Variants in PTPRD observed in about 807,000 individuals in gnomAD.
PTPRD encodes receptor-type tyrosine-protein phosphatase delta.
PTPRD carries 34 observed loss-of-function variants against 214.5 expected under a neutral mutation model. The observed-to-expected ratio is 0.16, with a 90% CI of 0.12 to 0.21. The LOEUF (loss-of-function observed/expected upper bound fraction) is 0.21, where lower values mean the gene tolerates loss of function less well. Among genes scored for constraint, PTPRD ranks in the 10% least tolerant of loss-of-function variants. The probability of loss-of-function intolerance (pLI) is 1.00; values close to 1 mark genes in which losing one functional copy is unlikely to be tolerated. For synonymous variants in PTPRD, 1,128 were observed against 845.7 expected, an observed-to-expected ratio of 1.33 and a Z score of -5.79; for missense variants, 2,545 against 2,398.7, an observed-to-expected ratio of 1.06 and a Z score of -1.27.
intron 3 of PTPRD, among the ~76,000 whole-genome samples, chr9:10,060,172 G>C (rs2097732115): frequency 6.6e-6 from 1 of 152,020 alleles, no homozygotes; most frequent in Admixed American, 6.6e-5. Context: ...TAAACTTGAT[G>C]ATAATAACAC....
intron 2 of PTPRD, among the ~76,000 whole-genome samples, chr9:10,342,756 A>G (rs2096966995): frequency 6.6e-6 from 1 of 152,114 alleles, no homozygotes; most frequent in Non-Finnish European, 1.5e-5. Context: ...AAAGCAAAGT[A>G]AGTTAAGCAA....
chr9:10,363,410 C>G (rs1261968532), intron 2 of PTPRD, among the ~76,000 whole-genome samples: 1 of 152,188 alleles, frequency 6.6e-6, no homozygotes, highest in Non-Finnish European at 1.5e-5. Flanking sequence ...TTACACACTT[C>G]CCTTCTTATT....
At chr9:10,225,139 A>C (rs1273620976) in intron 3 of PTPRD, among the ~76,000 whole-genome samples, 2 of 152,020 alleles carry the variant, frequency 1.3e-5, no homozygotes, top group African/African-American at 4.8e-5. Context: ...ATAAAACTTT[A>C]ACTTAAAATT....
intron 9 of PTPRD, among the ~76,000 whole-genome samples, chr9:9,223,101 T>A (rs772931890): frequency 1.3e-5 from 2 of 152,042 alleles, no homozygotes; most frequent in Non-Finnish European, 2.9e-5. Flanking sequence ...AAAACTGTGA[T>A]GTGATAAAGC....
chr9:9,139,891 G>C (rs555619602), intron 10 of PTPRD, among the ~76,000 whole-genome samples: 1 of 152,022 alleles, frequency 6.6e-6, no homozygotes. Context: ...AGACTAATTA[G>C]TGTAAAAATA....
At chr9:8,663,806 G>T (rs1217857894) in intron 12 of PTPRD, among the ~76,000 whole-genome samples, 1 of 151,458 alleles carries the variant, frequency 6.6e-6, no homozygotes, top group African/African-American at 2.4e-5. Flanking sequence ...TAGTATATTT[G>T]AAACATGATG....
chr9:9,011,841 C>T (rs1420958487), intron 11 of PTPRD, among the ~76,000 whole-genome samples: 7 of 152,134 alleles, frequency 4.6e-5, no homozygotes, highest in Non-Finnish European at 1.0e-4. Context: ...GGCAAAGAGA[C>T]TCTAAGGTCT....
At chr9:9,479,166 T>C (rs1188576379) in intron 8 of PTPRD, among the ~76,000 whole-genome samples, 1 of 151,350 alleles carries the variant, frequency 6.6e-6, no homozygotes, top group African/African-American at 2.4e-5. Flanking sequence ...CAAAAATAGT[T>C]CTTATATGAG....
intron 32 of PTPRD, among the ~76,000 whole-genome samples, chr9:8,461,990 C>G (rs903109571): frequency 6.6e-6 from 1 of 151,832 alleles, no homozygotes; most frequent in Non-Finnish European, 1.5e-5. Flanking sequence ...ACTAGCATCT[C>G]TTGTCCTCTC....
intron 5 of PTPRD, among the ~76,000 whole-genome samples, chr9:9,819,537 G>C (rs1405313349): frequency 3.3e-5 from 5 of 151,980 alleles, no homozygotes; most frequent in Non-Finnish European, 5.9e-5. Flanking sequence ...TAGCTTCATA[G>C]GGTACATGTG....
At chr9:9,955,907 A>G (rs1270189335) in intron 4 of PTPRD, among the ~76,000 whole-genome samples, 1 of 152,220 alleles carries the variant, frequency 6.6e-6, no homozygotes, top group South Asian at 2.1e-4. Context: ...TTCCTGAAAC[A>G]GTATCAGAAG....
rs116495357 is a variant in PTPRD, at chr9:9,012,336, T to C, written c.-104+6361A>G. Among the ~76,000 whole-genome samples the C allele has an allele frequency of 4.6e-3, 707 of 152,272 alleles. 13 individuals carry two copies. Among genetic ancestry groups the C allele is most frequent in the African/African-American group, 0.016 (681 of 41,556 alleles). ...CTACCTTAAAGTGAGAGATAATAAA[T>C]ATATTTTGTGTTAATCTGCTGAGTT... On this transcript the variant is annotated intron_variant, in intron 11 of 45. Transcript: ENST00000381196.
chr9:9,421,988 GA>G lies in PTPRD; in HGVS notation c.-236-24507del, dbSNP rs535711344. Among the ~76,000 whole-genome samples the G allele has an allele frequency of 3.6e-3, 514 of 143,904 alleles. 4 individuals are homozygous for G. The highest frequency in any genetic ancestry group is 0.012 in the African/African-American group (484 of 39,206). The allele number at this position is 143,904 out of a possible 152,430, so 94.4% of individuals were successfully genotyped here. On this transcript the variant is annotated intron_variant, in intron 8 of 45. Transcript: ENST00000381196. ...AAAAACTGTAAGTGACACCAGTATT[GA>G]AAAAAAAAACAAAAAAACAGTAAAG...
At chr9:9,734,113 CT>C (rs2098249890) in intron 7 of PTPRD, among the ~76,000 whole-genome samples, 1 of 152,148 alleles carries the variant, frequency 6.6e-6, no homozygotes. Flanking sequence ...CATTGTACTA[CT>C]GAAAAACTTT....
intron 11 of PTPRD, among the ~76,000 whole-genome samples, chr9:8,787,356 T>A (rs576760708): frequency 1.3e-5 from 2 of 152,304 alleles, no homozygotes; most frequent in South Asian, 4.1e-4. Flanking sequence ...ATTTCTCTAA[T>A]ATTAAAAATG....
At chr9:10,481,267 C>G (rs1033980768) in intron 2 of PTPRD, among the ~76,000 whole-genome samples, 4 of 151,986 alleles carry the variant, frequency 2.6e-5, no homozygotes, top group African/African-American at 9.7e-5. Flanking sequence ...TAGGTTCATT[C>G]TAGTATACAC....
intron 7 of PTPRD, among the ~76,000 whole-genome samples, chr9:9,625,341 C>T (rs967718007): frequency 6.6e-6 from 1 of 152,132 alleles, no homozygotes; most frequent in Non-Finnish European, 1.5e-5. Flanking sequence ...ATGTGCTGCT[C>T]AAGTGTGAAT....
chr9:9,716,554 T>A (rs1358798800), intron 7 of PTPRD, among the ~76,000 whole-genome samples: 1 of 152,166 alleles, frequency 6.6e-6, no homozygotes, highest in Non-Finnish European at 1.5e-5. Flanking sequence ...TTCTAACTGG[T>A]GTGAGATTGT....
At chr9:9,797,717 G>T (rs1483720989) in intron 5 of PTPRD, among the ~76,000 whole-genome samples, 1 of 151,196 alleles carries the variant, frequency 6.6e-6, no homozygotes, top group South Asian at 2.1e-4. Context: ...CTTGTGGCAG[G>T]CACCTGTAAT....
Sources: gnomAD v4.1 joint callset for allele counts (sites outside exome capture counted in the v4.1 genomes callset) on GRCh38, gnomAD v4.1.1 for gene constraint, MANE v1.5 for transcripts, NCBI Gene and HGNC (gene_info 2026-07-23, HGNC 2026-07-21) for gene names.